The following ABCC4 variants were observed in gnomAD, a reference collection of about 807,000 sequenced individuals.
The protein encoded by ABCC4 is ATP binding cassette subfamily C member 4 (PEL blood group).
A neutral mutation model predicts 168.5 loss-of-function variants in ABCC4; 102 were observed. The observed-to-expected ratio is 0.61, with a 90% confidence interval of 0.52 to 0.71. The LOEUF is 0.71. ABCC4 is among the 30% of genes least tolerant of loss of function. The pLI is 0.00. For missense variants in ABCC4, 1,402 were observed against 1,605.8 expected (o/e 0.87, Z 2.17); for synonymous variants, 617 against 590.7 (o/e 1.04, Z -0.65).
intron 19 of ABCC4, among the ~76,000 whole-genome samples, chr13:95,131,478 A>C (rs1305016064): frequency 6.6e-6 from 1 of 152,076 alleles, no homozygotes; most frequent in Admixed American, 6.5e-5. Context: ...AAATATAAAA[A>C]ATTAGCTGGG....
At chr13:95,114,877 C>T (rs559135798) in intron 20 of ABCC4, among the ~76,000 whole-genome samples, 39 of 152,140 alleles carry the variant, frequency 2.6e-4, no homozygotes, top group Non-Finnish European at 4.7e-4. Context: ...AGGGGGATCA[C>T]AGGATCAAGC....
intron 8 of ABCC4, among the ~76,000 whole-genome samples, chr13:95,204,716 G>A (rs1014161167): frequency 6.6e-6 from 1 of 152,134 alleles, no homozygotes; most frequent in Non-Finnish European, 1.5e-5. Context: ...AACATACCAT[G>A]GTTAAGAAAT....
chr13:95,140,087 C>A (rs1388505923), intron 19 of ABCC4, among the ~76,000 whole-genome samples: 1 of 152,212 alleles, frequency 6.6e-6, no homozygotes, highest in East Asian at 1.9e-4. Context: ...CTCAGTCTTA[C>A]CTTCAGTTCT....
intron 19 of ABCC4, among the ~76,000 whole-genome samples, chr13:95,138,732 C>T (rs1460186776): frequency 1.3e-5 from 2 of 152,196 alleles, no homozygotes; most frequent in Admixed American, 6.5e-5. Flanking sequence ...AATGGAGCTC[C>T]GGCAAGCACC....
intron 19 of ABCC4, among the ~76,000 whole-genome samples, chr13:95,128,998 C>A (rs2035873773): frequency 6.6e-6 from 1 of 152,172 alleles, no homozygotes; most frequent in Non-Finnish European, 1.5e-5. Context: ...CCTACACTAG[C>A]AATATAAGCA....
intron 1 of ABCC4, among the ~76,000 whole-genome samples, chr13:95,289,670 G>C (rs998547337): frequency 2.0e-5 from 3 of 152,176 alleles, no homozygotes; most frequent in Admixed American, 6.6e-5. Flanking sequence ...CCTTTGAGAG[G>C]AACCTGAAAA....
chr13:95,213,535 G>A (rs2039022257), intron 4 of ABCC4, among the ~76,000 whole-genome samples: 1 of 152,174 alleles, frequency 6.6e-6, no homozygotes, highest in Non-Finnish European at 1.5e-5. Flanking sequence ...ATGAGGCCTA[G>A]GAAAGCAGCA....
At chr13:95,280,864 G>T (rs1412093754) in intron 1 of ABCC4, among the ~76,000 whole-genome samples, 3 of 152,142 alleles carry the variant, frequency 2.0e-5, no homozygotes, top group Non-Finnish European at 4.4e-5. Context: ...GCAACAAGGA[G>T]AGGGGAAGAG....
chr13:95,261,310 G>A (rs753413212), intron 1 of ABCC4, among the ~76,000 whole-genome samples: 25 of 152,046 alleles, frequency 1.6e-4, no homozygotes, highest in African/African-American at 5.1e-4. Context: ...TTAGCTGGGC[G>A]TGGTGGTGCG....
intron 15 of ABCC4, 124 bp from the exon 16 acceptor site, chr13:95,164,642 T>A: frequency 1.2e-5 from 11 of 942,998 alleles, no homozygotes; most frequent in African/African-American, 1.7e-5. Context: ...CCATCTCCTG[T>A]GGAGAAGGGT....
chr13:95,141,466 A>G lies in ABCC4; in HGVS notation c.2455+19723T>C, dbSNP rs568021409. 2.0e-3 allele frequency among the ~76,000 whole-genome samples: 301 copies of G among 152,298 alleles called. 1 individual carries two copies. Among genetic ancestry groups the G allele is most frequent in the South Asian group, 3.1e-3 (15 of 4,822 alleles). On this transcript the variant is annotated intron_variant, in intron 19 of 30. Transcript: ENST00000645237. Reference sequence around the variant, plus strand: ...AGAATTTAAGAATCCTCTGAGGTGCAGTATAAAAGCAGAGAACAAAGAATG... The same window carrying G: ...AGAATTTAAGAATCCTCTGAGGTGCGGTATAAAAGCAGAGAACAAAGAATG...
At chr13:95,195,008 C>T in intron 8 of ABCC4, 71 bp from the exon 9 acceptor site, 1 of 1,305,186 alleles carries the variant, frequency 7.7e-7, no homozygotes. Context: ...GTCACTGCTT[C>T]CATGGAATTT....
intron 13 of ABCC4, among the ~76,000 whole-genome samples, chr13:95,172,792 AGTG>A (rs1457941894): frequency 6.6e-6 from 1 of 151,662 alleles, no homozygotes; most frequent in Admixed American, 6.6e-5. Flanking sequence ...CTTAGCCAGG[AGTG>A]GTGGTGTGCA....
At chr13:95,144,214 G>A (rs146980779) in intron 19 of ABCC4, among the ~76,000 whole-genome samples, 2 of 126,124 alleles carry the variant, frequency 1.6e-5, no homozygotes, top group Non-Finnish European at 3.3e-5. Context: ...TATATTAAAC[G>A]TAACTTAACC....
At chr13:95,052,516 A>G (rs2032886043) in intron 27 of ABCC4, among the ~76,000 whole-genome samples, 2 of 152,238 alleles carry the variant, frequency 1.3e-5, no homozygotes. Flanking sequence ...CATAAATAAT[A>G]GAAAAATCCT....
intron 19 of ABCC4, among the ~76,000 whole-genome samples, chr13:95,124,461 G>A (rs2035679607): frequency 1.3e-5 from 2 of 151,612 alleles, no homozygotes; most frequent in South Asian, 2.1e-4. Context: ...AGAAACCAAG[G>A]GGAGAGGACT....
At chr13:95,079,573 G>A (rs1304016304) in intron 21 of ABCC4, among the ~76,000 whole-genome samples, 5 of 152,290 alleles carry the variant, frequency 3.3e-5, no homozygotes, top group South Asian at 2.1e-4. Flanking sequence ...GATGGCTCAC[G>A]CCTGTAATCC....
intron 30 of ABCC4, among the ~76,000 whole-genome samples, chr13:95,026,259 T>TA (rs922469242): frequency 7.3e-5 from 11 of 151,238 alleles, no homozygotes; most frequent in African/African-American, 2.2e-4. Context: ...AAATAAAAAA[T>TA]AAAAAAATAA....
chr13:95,200,318 C>T (rs148256001), intron 8 of ABCC4, among the ~76,000 whole-genome samples: 4 of 152,292 alleles, frequency 2.6e-5, no homozygotes, highest in East Asian at 3.9e-4. Context: ...GTTATCCTGA[C>T]GTCGTTTCTA....
Sources: allele counts gnomAD v4.1 joint callset (sites outside exome capture counted in the v4.1 genomes callset), GRCh38; gene constraint gnomAD v4.1.1; transcripts MANE v1.5; gene names NCBI Gene and HGNC (gene_info 2026-07-23, HGNC 2026-07-21).